Variants in MYO16 observed in about 807,000 individuals in gnomAD.
MYO16 encodes the protein unconventional myosin-XVI.
Under a neutral mutation model 205.3 loss-of-function variants are expected in MYO16, and 94 were observed. The observed-to-expected ratio is 0.46, with a 90% CI of 0.39 to 0.54. The LOEUF (loss-of-function observed/expected upper bound fraction) is 0.54. Ranked by LOEUF, MYO16 falls within the 20% of genes least tolerant of loss-of-function variation. MYO16 has a pLI of 0.00. For synonymous variants in MYO16, 988 were observed against 954.0 expected, an observed-to-expected ratio of 1.04 and a Z score of -0.66; for missense variants, 2,315 against 2,387.5, an observed-to-expected ratio of 0.97 and a Z score of 0.63.
chr13:108,721,237 T>TG (rs111302846), intron 3 of MYO16, among the ~76,000 whole-genome samples: 5 of 152,344 alleles, frequency 3.3e-5, no homozygotes, highest in African/African-American at 1.2e-4. Context: ...GTCAAAGCTT[T>TG]GGACAACCTT....
At chr13:108,892,475 A>C (rs1880218927) in intron 14 of MYO16, among the ~76,000 whole-genome samples, 1 of 152,134 alleles carries the variant, frequency 6.6e-6, no homozygotes, top group Non-Finnish European at 1.5e-5. Context: ...TCCTGACCTC[A>C]AGTGATCTAC....
In MYO16 at chr13:108,941,803, C is replaced by T. The variant is rs558922019; in HGVS notation, c.1926-15885C>T. ...AGTTTTCCTGAAACATTGATTCAAA[C>T]AAGAGAAATGCTCTTTCGTGTTTGT... On this transcript the variant is annotated intron_variant, in intron 16 of 34. Transcript: ENST00000457511. Among the ~76,000 whole-genome samples the T allele has an allele frequency of 4.0e-5, 6 of 150,862 alleles. No homozygotes were observed. The South Asian group carries it at 1.3e-3, about 32-fold the overall frequency.
chr13:108,662,025 T>C (rs1437342865), intron 1 of MYO16, among the ~76,000 whole-genome samples: 1 of 152,218 alleles, frequency 6.6e-6, no homozygotes, highest in Non-Finnish European at 1.5e-5. Flanking sequence ...TGACTTCCTG[T>C]GAGCCAAACT....
At chr13:109,128,398 G>A (rs157027) in intron 31 of MYO16, among the ~76,000 whole-genome samples, 42,535 of 151,980 alleles carry the variant, frequency 0.28, 6,357 homozygotes, top group East Asian at 0.49. Flanking sequence ...TAAATGAAAC[G>A]GCTGGGTAGA....
At chr13:108,717,121 G>A (rs1322971293) in intron 3 of MYO16, among the ~76,000 whole-genome samples, 1 of 152,034 alleles carries the variant, frequency 6.6e-6, no homozygotes, top group African/African-American at 2.4e-5. Context: ...TATTACATAC[G>A]TTTTGCTAAA....
chr13:108,745,872 A>G (rs1885044057), intron 4 of MYO16, among the ~76,000 whole-genome samples: 1 of 152,164 alleles, frequency 6.6e-6, no homozygotes, highest in South Asian at 2.1e-4. Flanking sequence ...GGAACTCTAT[A>G]AATCAAAAGC....
At chr13:108,595,404 G>C (rs1485456241), upstream of MYO16, among the ~76,000 whole-genome samples, 1 of 152,076 alleles carries the variant, frequency 6.6e-6, no homozygotes, top group Non-Finnish European at 1.5e-5. Flanking sequence ...TTTATAAAGA[G>C]CCTGACTTAC....
At chr13:108,996,897 C>A (rs961358896) in intron 21 of MYO16, among the ~76,000 whole-genome samples, 1 of 152,170 alleles carries the variant, frequency 6.6e-6, no homozygotes, top group African/African-American at 2.4e-5. Context: ...ATCATTTAAC[C>A]TACAAATAAT....
At chr13:109,047,140 A>G (rs1454223687) in intron 24 of MYO16, 149 bp downstream of exon 24, 1 of 617,640 alleles carries the variant, frequency 1.6e-6, no homozygotes, top group Non-Finnish European at 2.8e-6. Context: ...CTAATGAGAA[A>G]TGGGTCTTGC....
At chr13:108,578,573 T>C in the MYO16 span, among the ~76,000 whole-genome samples, 2 of 152,196 alleles carry the variant, frequency 1.3e-5, no homozygotes, top group African/African-American at 2.4e-5. Flanking sequence ...GACTCTCCTT[T>C]TGAAGAAAGC....
intron 32 of MYO16, among the ~76,000 whole-genome samples, chr13:109,150,574 G>C (rs1194473829): frequency 1.3e-5 from 2 of 152,190 alleles, no homozygotes; most frequent in African/African-American, 4.8e-5. Context: ...AGTCAGACCA[G>C]AGATACGTAT....
intron 4 of MYO16, among the ~76,000 whole-genome samples, chr13:108,756,264 G>T (rs943362742): frequency 2.0e-4 from 30 of 152,022 alleles, no homozygotes; most frequent in African/African-American, 7.0e-4. Context: ...AATTCAAAAA[G>T]ATGTACTTTA....
the MYO16 span, among the ~76,000 whole-genome samples, chr13:108,550,493 A>G: frequency 1.3e-5 from 2 of 152,216 alleles, no homozygotes; most frequent in Non-Finnish European, 2.9e-5. Flanking sequence ...TTTCACCTGC[A>G]GGAGTACAAA....
chr13:108,505,280 G>T, the MYO16 span, among the ~76,000 whole-genome samples: 1 of 152,138 alleles, frequency 6.6e-6, no homozygotes, highest in Non-Finnish European at 1.5e-5. Flanking sequence ...CACTAAAAGT[G>T]CACAAGAGTT....
At chr13:108,551,082 T>G in the MYO16 span, among the ~76,000 whole-genome samples, 1 of 152,212 alleles carries the variant, frequency 6.6e-6, no homozygotes, top group Admixed American at 6.5e-5. Context: ...TTCCTTCACA[T>G]GCACATTTTA....
chr13:108,663,021 C>T (rs752164190), intron 1 of MYO16, among the ~76,000 whole-genome samples: 1 of 152,170 alleles, frequency 6.6e-6, no homozygotes, highest in East Asian at 1.9e-4. Flanking sequence ...CAGACCTTCA[C>T]CTTCTCCAGT....
intron 16 of MYO16, among the ~76,000 whole-genome samples, chr13:108,951,813 C>T (rs906014778): frequency 6.6e-5 from 10 of 152,146 alleles, no homozygotes; most frequent in Non-Finnish European, 1.3e-4. Flanking sequence ...TTAAAAAATA[C>T]AACTATCGGC....
intron 1 of MYO16, among the ~76,000 whole-genome samples, chr13:108,624,448 A>T (rs942132818): frequency 5.3e-5 from 8 of 152,228 alleles, no homozygotes; most frequent in African/African-American, 1.9e-4. Flanking sequence ...ACACATGTGC[A>T]CATAAACCTA....
chr13:108,534,448 AG>A, the MYO16 span, among the ~76,000 whole-genome samples: 1 of 152,170 alleles, frequency 6.6e-6, no homozygotes, highest in South Asian at 2.1e-4. Context: ...TGGTAGACAC[AG>A]CAAGAAAAAT....
Sources: gnomAD v4.1 joint callset for allele counts (sites outside exome capture counted in the v4.1 genomes callset) on GRCh38, gnomAD v4.1.1 for gene constraint, MANE v1.5 for transcripts, NCBI Gene and HGNC (gene_info 2026-07-23, HGNC 2026-07-21) for gene names.